MTHFD1L: variants seen among roughly 807,000 people sequenced by gnomAD.
MTHFD1L encodes the protein methylenetetrahydrofolate dehydrogenase (NADP+ dependent) 1 like.
A neutral mutation model predicts 119.5 loss-of-function variants in MTHFD1L; 81 were observed. That is an observed-to-expected ratio of 0.68 (90% CI 0.57 to 0.82). The LOEUF is 0.82. Among genes scored for constraint, MTHFD1L ranks in the 40% least tolerant of loss-of-function variants. The pLI is 0.00. For synonymous variants in MTHFD1L, 430 were observed against 475.2 expected (o/e 0.90, Z 1.24); for missense variants, 1,125 against 1,253.4 (o/e 0.90, Z 1.55).
chr6:150,878,355 A>G (rs1278313173), intron 4 of MTHFD1L, among the ~76,000 whole-genome samples: 3 of 151,742 alleles, frequency 2.0e-5, no homozygotes, highest in Non-Finnish European at 4.4e-5. Flanking sequence ...AGGTTCAAGC[A>G]ATTCTCCTGC....
intron 11 of MTHFD1L, among the ~76,000 whole-genome samples, chr6:150,928,522 GTCC>G (rs1173860780): frequency 6.9e-6 from 1 of 145,074 alleles, no homozygotes. Flanking sequence ...CCACTTTCCT[GTCC>G]TCCTCTTTCT....
chr6:150,877,518 C>A, intron 2 of MTHFD1L, 116 bp from the exon 3 acceptor site: 1 of 1,155,120 alleles, frequency 8.7e-7, no homozygotes, highest in East Asian at 2.5e-5. Flanking sequence ...TTTTTCTGCA[C>A]CTTCCATATT....
At position 150,916,467 on chromosome 6, in the gene MTHFD1L, A is replaced by ATT. The variant is rs1377270100; in HGVS notation, c.893-2079_893-2078dup. On this transcript the variant is annotated intron_variant, in intron 8 of 27. Transcript: ENST00000367321. ...AGGTGTGCACCACCACGCCCAGCTA[A>ATT]TTTTTTTTTTTTTTTTTTTTTTTTT... Among the ~76,000 whole-genome samples, 42 of 39,042 alleles carry ATT rather than the reference A, an allele frequency of 1.1e-3. 1 individual carries two copies. Among genetic ancestry groups the ATT allele is most frequent in the Non-Finnish European group, 1.3e-3 (30 of 22,618 alleles). 25.6% of individuals were successfully genotyped at this position (39,042 alleles called of 152,430 possible). A position where few individuals can be genotyped will look rare whatever the true frequency, so the allele number is the denominator to read the frequency against.
chr6:150,891,768 T>C (rs1342345096), intron 7 of MTHFD1L, among the ~76,000 whole-genome samples: 1 of 152,246 alleles, frequency 6.6e-6, no homozygotes, highest in East Asian at 1.9e-4. Flanking sequence ...TCCATTTCTA[T>C]GTCTGAAATG....
chr6:150,935,949 G>A (rs1161527429), intron 11 of MTHFD1L, among the ~76,000 whole-genome samples: 1 of 152,166 alleles, frequency 6.6e-6, no homozygotes, highest in Non-Finnish European at 1.5e-5. Flanking sequence ...GGCCTTACTT[G>A]GTAATGTAAT....
intron 20 of MTHFD1L, among the ~76,000 whole-genome samples, chr6:150,973,409 G>C (rs1221098040): frequency 6.6e-6 from 1 of 152,162 alleles, no homozygotes; most frequent in Non-Finnish European, 1.5e-5. Flanking sequence ...CTGCAAGAGT[G>C]GCTAGACATA....
intron 20 of MTHFD1L, among the ~76,000 whole-genome samples, chr6:151,004,742 T>C (rs1283680989): frequency 1.3e-5 from 2 of 152,238 alleles, no homozygotes; most frequent in African/African-American, 2.4e-5. Context: ...CAAACCATGC[T>C]ATAGAATCAC....
rs1778190501 is a variant in MTHFD1L at position 150,865,791 on chromosome 6, C to T, written c.-32C>T. Reference sequence around the variant, plus strand: ...CCCGCCGCCCTCGGCAGCCGCAGCTCCGTGTCCCCTGAGAACCAGCCGTCC... The same window carrying T: ...CCCGCCGCCCTCGGCAGCCGCAGCTTCGTGTCCCCTGAGAACCAGCCGTCC... On this transcript the variant is annotated 5_prime_UTR_variant, in exon 1 of 28. Transcript: ENST00000367321. 7.0e-6 allele frequency: 9 copies of T among 1,291,760 alleles called. No homozygotes were observed. Among genetic ancestry groups the T allele is most frequent in the African/African-American group, 3.2e-5 (2 of 62,704 alleles). The allele number at this position is 1,291,760 out of a possible 1,614,324, so 80.0% of individuals were successfully genotyped here. A position where few individuals can be genotyped will look rare whatever the true frequency, so the allele number is the denominator to read the frequency against.
At chr6:151,022,936 C>T (rs906515229) in intron 24 of MTHFD1L, among the ~76,000 whole-genome samples, 11 of 152,104 alleles carry the variant, frequency 7.2e-5, no homozygotes, top group Admixed American at 2.6e-4. Context: ...CAACAAGCCT[C>T]CCATAAGCCT....
chr6:150,943,161 G>C (rs900411541), intron 13 of MTHFD1L, among the ~76,000 whole-genome samples: 1 of 152,076 alleles, frequency 6.6e-6, no homozygotes, highest in Non-Finnish European at 1.5e-5. Context: ...GGCGCCTATA[G>C]TCCCAGCTAC....
chr6:151,047,847 G>C (rs1788337441), intron 26 of MTHFD1L, among the ~76,000 whole-genome samples: 1 of 152,138 alleles, frequency 6.6e-6, no homozygotes, highest in Admixed American at 6.5e-5. Context: ...AGACTGGATA[G>C]TTTATAAAGA....
chr6:150,900,709 T>G (rs1424955341), intron 7 of MTHFD1L, among the ~76,000 whole-genome samples: 2 of 152,198 alleles, frequency 1.3e-5, no homozygotes, highest in African/African-American at 4.8e-5. Flanking sequence ...CCTGACAGCT[T>G]CTTTTCTATA....
intron 11 of MTHFD1L, among the ~76,000 whole-genome samples, chr6:150,933,462 A>ATCTT (rs904110525): frequency 3.3e-5 from 5 of 152,004 alleles, no homozygotes; most frequent in African/African-American, 1.2e-4. Flanking sequence ...AAGTATTAAT[A>ATCTT]TCTTTGTATA....
Position 150,914,487 on chromosome 6 carries a change from G to A in MTHFD1L, c.893-4090G>A, listed in dbSNP as rs551040457. Among the ~76,000 whole-genome samples, 149 of 152,048 alleles carry A rather than the reference G, an allele frequency of 9.8e-4. 1 individual carries two copies. The highest frequency in any genetic ancestry group is 2.0e-3 in the Non-Finnish European group (134 of 67,960). On this transcript the variant is annotated intron_variant, in intron 8 of 27. Transcript: ENST00000367321. The stretch of plus-strand genomic sequence containing the variant: ...AGCTTGGGCAACATAGTGAGACCCC[G>A]TCTCTATAAAACAACTTAACAATGT...
At chr6:151,005,851 C>G (rs914774213) in intron 20 of MTHFD1L, among the ~76,000 whole-genome samples, 1 of 152,132 alleles carries the variant, frequency 6.6e-6, no homozygotes, top group Non-Finnish European at 1.5e-5. Flanking sequence ...ATGGTCATAT[C>G]TTTATCGGAT....
chr6:150,888,039 CT>C, intron 7 of MTHFD1L, 58 bp downstream of exon 7: 2 of 1,500,806 alleles, frequency 1.3e-6, no homozygotes, highest in Non-Finnish European at 1.8e-6. Flanking sequence ...AGAAGAAAGT[CT>C]AGAAATGTAT....
chr6:151,054,485 G>T (rs6909221), intron 26 of MTHFD1L, among the ~76,000 whole-genome samples: 1 of 152,160 alleles, frequency 6.6e-6, no homozygotes, highest in African/African-American at 2.4e-5. Flanking sequence ...CGAAGTGCAC[G>T]AGTCCCCTTT....
intron 1 of MTHFD1L, among the ~76,000 whole-genome samples, chr6:150,871,280 A>G (rs538360814): frequency 2.0e-3 from 298 of 149,476 alleles, no homozygotes; most frequent in Non-Finnish European, 3.7e-3. Flanking sequence ...GGTGATTGCT[A>G]AAGATTAGGG....
At chr6:150,891,454 A>G (rs1213887333) in intron 7 of MTHFD1L, among the ~76,000 whole-genome samples, 2 of 148,354 alleles carry the variant, frequency 1.3e-5, no homozygotes, top group Non-Finnish European at 3.0e-5. Flanking sequence ...CCTTATATAT[A>G]TATAGAATCT....
Sources: allele counts gnomAD v4.1 joint callset (sites outside exome capture counted in the v4.1 genomes callset), GRCh38; gene constraint gnomAD v4.1.1; transcripts MANE v1.5; gene names NCBI Gene and HGNC (gene_info 2026-07-23, HGNC 2026-07-21).